FERRY3: variants seen among roughly 807,000 people sequenced by gnomAD.
FERRY3 encodes the protein FERRY endosomal RAB5 effector complex subunit 3.
the FERRY3 span, among the ~76,000 whole-genome samples, chr12:4,498,082 C>A: frequency 6.6e-6 from 1 of 152,208 alleles, no homozygotes; most frequent in South Asian, 2.1e-4. Context: ...TGGAAACAAA[C>A]TTAATGTTCT....
chr12:4,525,713 G>A, the FERRY3 span: 278 of 636,742 alleles, frequency 4.4e-4, no homozygotes, highest in Non-Finnish European at 6.5e-4. Context: ...CCAGGAATGA[G>A]AATTGTAACT....
At chr12:4,536,404 A>C in the FERRY3 span, among the ~76,000 whole-genome samples, 4 of 152,116 alleles carry the variant, frequency 2.6e-5, no homozygotes. Context: ...TCTTTAAAAA[A>C]AAAAAAAAAG....
At chr12:4,530,049 G>A in the FERRY3 span, 1 of 1,608,806 alleles carries the variant, frequency 6.2e-7, no homozygotes. Context: ...CTCTAACGTG[G>A]TCTACAAGAT....
the FERRY3 span, among the ~76,000 whole-genome samples, chr12:4,536,917 C>T: frequency 1.3e-5 from 2 of 152,194 alleles, no homozygotes; most frequent in African/African-American, 4.8e-5. Context: ...ATTTTCTACA[C>T]TGAAGTTATA....
chr12:4,537,802 A>C, the FERRY3 span, among the ~76,000 whole-genome samples: 13,481 of 152,246 alleles, frequency 0.089, 2,020 homozygotes, highest in African/African-American at 0.31. Context: ...ACATAAAGGT[A>C]TATTCTATGA....
chr12:4,523,250 A>C, the FERRY3 span, among the ~76,000 whole-genome samples: 2 of 152,358 alleles, frequency 1.3e-5, no homozygotes, highest in South Asian at 4.1e-4. Flanking sequence ...AAAGTAACAA[A>C]GTCACAATAA....
the FERRY3 span, chr12:4,529,774 TATCC>T: frequency 9.1e-7 from 1 of 1,101,652 alleles, no homozygotes. Context: ...TTTTCTATCT[TATCC>T]TTTTTGTAAA....
At chr12:4,526,407 A>C in the FERRY3 span, among the ~76,000 whole-genome samples, 1 of 152,234 alleles carries the variant, frequency 6.6e-6, no homozygotes, top group African/African-American at 2.4e-5. Flanking sequence ...AAAAAATTGA[A>C]ATTAAAGATT....
the FERRY3 span, chr12:4,530,193 T>C: frequency 2.8e-6 from 2 of 703,748 alleles, no homozygotes; most frequent in Non-Finnish European, 4.5e-6. Flanking sequence ...TAAATATATG[T>C]GTGTGTATTA....
At chr12:4,491,063 A>G in the FERRY3 span, 3 of 886,296 alleles carry the variant, frequency 3.4e-6, no homozygotes, top group Non-Finnish European at 5.5e-6. Context: ...AAACTATCTA[A>G]CTGAGGCACT....
chr12:4,503,774 G>A, the FERRY3 span, among the ~76,000 whole-genome samples: 2 of 151,968 alleles, frequency 1.3e-5, no homozygotes, highest in Non-Finnish European at 2.9e-5. Context: ...ATCAGAAACA[G>A]GACTGAGAGA....
chr12:4,489,780 T>C, the FERRY3 span: 1 of 1,495,068 alleles, frequency 6.7e-7, no homozygotes, highest in Non-Finnish European at 9.2e-7. Context: ...ACAATCATCT[T>C]CTGCCAGCAT....
At chr12:4,536,306 C>T in the FERRY3 span, 1 of 727,056 alleles carries the variant, frequency 1.4e-6, no homozygotes, top group Non-Finnish European at 2.0e-6. Flanking sequence ...TTCCACCATT[C>T]AAGAGATTTT....
the FERRY3 span, chr12:4,535,904 G>A: frequency 2.4e-6 from 2 of 825,480 alleles, no homozygotes; most frequent in Admixed American, 7.4e-5. This position sits in a 1 kb window ranked among gnomAD's most constrained non-coding sequence, Gnocchi z 4.0. Context: ...CAGTTCCTAT[G>A]TTATGGCTGT....
At chr12:4,487,806 C>T in the FERRY3 span, 1 of 152,116 alleles carries the variant, frequency 6.6e-6, no homozygotes, top group East Asian at 1.9e-4. Flanking sequence ...AACAGAGTGC[C>T]ATCTGTACCT....
the FERRY3 span, among the ~76,000 whole-genome samples, chr12:4,492,790 A>G: frequency 6.6e-6 from 1 of 152,114 alleles, no homozygotes; most frequent in East Asian, 1.9e-4. Flanking sequence ...TGATCATATT[A>G]TACTCCTGTT....
the FERRY3 span, among the ~76,000 whole-genome samples, chr12:4,521,613 G>A: frequency 1.6e-4 from 24 of 152,176 alleles, no homozygotes; most frequent in African/African-American, 4.6e-4. Flanking sequence ...TCAAAACATC[G>A]TATCAGACCG....
the FERRY3 span, among the ~76,000 whole-genome samples, chr12:4,533,605 TA>T: frequency 6.6e-6 from 1 of 152,248 alleles, no homozygotes; most frequent in South Asian, 2.1e-4. Flanking sequence ...GTGATATACC[TA>T]ATGGCATCTT....
At chr12:4,498,604 G>A in the FERRY3 span, among the ~76,000 whole-genome samples, 2 of 152,106 alleles carry the variant, frequency 1.3e-5, no homozygotes, top group African/African-American at 4.8e-5. Context: ...TTATAAATGG[G>A]AAATCACTGA....
Sources: allele counts gnomAD v4.1 joint callset (sites outside exome capture counted in the v4.1 genomes callset), GRCh38; gene constraint gnomAD v4.1.1; non-coding constraint Gnocchi (gnomAD v3.1); transcripts MANE v1.5; gene names NCBI Gene and HGNC (gene_info 2026-07-23, HGNC 2026-07-21).